Variants in SLC30A1 observed in about 807,000 individuals in gnomAD.
SLC30A1 encodes proton-coupled zinc antiporter SLC30A1.
A neutral mutation model predicts 29.8 loss-of-function variants in SLC30A1; 7 were observed. The observed-to-expected ratio is 0.23, with a 90% confidence interval of 0.13 to 0.44. The LOEUF (loss-of-function observed/expected upper bound fraction) is 0.44, where lower values mean the gene tolerates loss of function less well. SLC30A1 is among the 20% of genes least tolerant of loss of function. SLC30A1 has a pLI of 1.00. For missense variants in SLC30A1, 446 were observed against 647.9 expected (o/e 0.69, Z 3.38); for synonymous variants, 254 against 253.5 (o/e 1.00, Z -0.02).
Position 211,578,137 on chromosome 1 carries a change from A to AGGTCGT in SLC30A1, c.475_476insACGACC (p.Gly158_Leu159insHisAsp). On this transcript the variant is annotated inframe_insertion, in exon 1 of 2. Transcript: ENST00000367001. ...GCTCTTAACGCGAGGCCCCTTGGGG[A>AGGTCGT]GGCCGTGGCCGTGGCCGTGACCCCC... 6.2e-7 allele frequency: 1 copy of AGGTCGT among 1,608,820 alleles called. No individual in the cohort carries two copies. The highest frequency in any genetic ancestry group is 8.5e-7 in the Non-Finnish European group (1 of 1,178,330).
Position 211,576,076 on chromosome 1 carries a change from C to T in SLC30A1, c.836G>A (p.Gly279Glu). Residue 279 changes from glycine to glutamate, a missense_variant, in exon 2 of 2, where the codon GGG becomes GAG. Gly to Glu is a moderately conservative substitution (Grantham distance 98). This residue lies in a region of SLC30A1 where 187 missense variants were observed against 312.7 expected (regional missense o/e 0.60). Coordinates refer to ENST00000367001, the MANE Select transcript of SLC30A1 (RefSeq NM_021194.3). ...GAAACATGGATTCACACAAAAATCC[C>T]CTTCAGAACAACCTTTCCAAGAAAA... is the stretch of plus-strand genomic sequence containing the variant. ...FYFSWKGCSE[G>E]DFCVNPCFPD... is the part of the protein sequence containing the mutation. 1 of 1,613,052 alleles carries T rather than the reference C, an allele frequency of 6.2e-7. No homozygotes were observed. The highest frequency in any genetic ancestry group is 2.2e-5 in the East Asian group (1 of 44,866).
Position 211,578,421 on chromosome 1 carries a change from G to C in SLC30A1, c.192C>G (p.Thr64=), listed in dbSNP as rs1450381921. 6.2e-7 allele frequency: 1 copy of C among 1,612,842 alleles called. No individual in the cohort carries two copies. Among genetic ancestry groups the C allele is most frequent in the Non-Finnish European group, 8.5e-7 (1 of 1,179,666 alleles). Residue 64 remains threonine (T), a synonymous_variant, in exon 1 of 2, where the codon ACC becomes ACG. Transcript: ENST00000367001. ...ALVAERFARR[T]HATQKNTFGW... ...CGAACGTGTTCTTCTGGGTGGCGTG[G>C]GTCCGCCGGGCGAAGCGCTCGGCCA...
rs1170062150 is a variant in SLC30A1, at chr1:211,578,773, G to T, written c.-161C>A. On this transcript the variant is annotated 5_prime_UTR_variant, in exon 1 of 2. Transcript: ENST00000367001. ...CCGCGGCCGCACGGGGACAAGCCCG[G>T]GTCAAGCCGCCGAGCCCCGCGCCTG... 1.8e-5 allele frequency: 10 copies of T among 567,380 alleles called. No individual in the cohort carries two copies. Among genetic ancestry groups the T allele is most frequent in the Non-Finnish European group, 2.1e-5 (8 of 379,438 alleles). 35.1% of individuals were successfully genotyped at this position (567,380 alleles called of 1,614,324 possible). A position where few individuals can be genotyped will look rare whatever the true frequency, so the allele number is the denominator to read the frequency against.
Position 211,574,715 on chromosome 1 carries a change from C to T in SLC30A1, c.*673G>A, listed in dbSNP as rs1706697375. 6.6e-6 allele frequency: 1 copy of T among 152,120 alleles called. No homozygotes were observed. The highest frequency in any genetic ancestry group is 2.4e-5 in the African/African-American group (1 of 41,436). 9.4% of individuals were successfully genotyped at this position (152,120 alleles called of 1,614,324 possible). On this transcript the variant is annotated 3_prime_UTR_variant, in exon 2 of 2. Transcript: ENST00000367001. ...GAAATGTAGTCTCAATATTATCATA[C>T]AATAACCTAAATATTTAGTTTGGTA... is the stretch of plus-strand genomic sequence containing the variant.
chr1:211,578,466 C>T lies in SLC30A1; in HGVS notation c.147G>A (p.Leu49=). The T allele has an allele frequency of 6.2e-7, 1 of 1,612,874 alleles. No individual in the cohort carries two copies. Among genetic ancestry groups the T allele is most frequent in the South Asian group, 1.1e-5 (1 of 90,952 alleles). The part of the protein sequence containing the change: ...SDSFHMLSDV[L]ALVVALVAER... Reference sequence around the variant, plus strand: ...CGGCCACCAGCGCCACCACCAGCGCCAGCACGTCCGACAGCATGTGGAAGG... The same window carrying T: ...CGGCCACCAGCGCCACCACCAGCGCTAGCACGTCCGACAGCATGTGGAAGG... Residue 49 remains leucine (L), a synonymous_variant, in exon 1 of 2, where the codon CTG becomes CTA. Coordinates refer to ENST00000367001, the MANE Select transcript of SLC30A1 (RefSeq NM_021194.3).
rs1706736560 is a variant in SLC30A1 at position 211,577,708 on chromosome 1, C to A, written c.622+283G>T. 6.6e-6 allele frequency among the ~76,000 whole-genome samples: 1 copy of A among 152,244 alleles called. No individual in the cohort carries two copies. Among genetic ancestry groups the A allele is most frequent in the African/African-American group, 2.4e-5 (1 of 41,460 alleles). On this transcript the variant is annotated intron_variant, in intron 1 of 1. Coordinates refer to ENST00000367001, the MANE Select transcript of SLC30A1 (RefSeq NM_021194.3). This position sits in a 1 kb window ranked among gnomAD's most constrained non-coding sequence, Gnocchi z 4.5. ...AGCCAAGTGCGGGTGTGGACTGCAG[C>A]GGGATGATGATCACCTCCTGACCCT...
chr1:211,575,347 C>A lies in SLC30A1; in HGVS notation c.*41G>T. On this transcript the variant is annotated 3_prime_UTR_variant, in exon 2 of 2. Coordinates refer to ENST00000367001, the MANE Select transcript of SLC30A1 (RefSeq NM_021194.3). This position sits in a 1 kb window ranked among gnomAD's most constrained non-coding sequence, Gnocchi z 6.0. Reference sequence around the variant, plus strand: ...TTTCAGTGGAGTCTTTTTCCTCTTGCAGTTTAAAGCAAAAGTCAAATATCA... The same window carrying A: ...TTTCAGTGGAGTCTTTTTCCTCTTGAAGTTTAAAGCAAAAGTCAAATATCA... 1 of 1,499,084 alleles carries A rather than the reference C, an allele frequency of 6.7e-7. No individual in the cohort carries two copies. Among genetic ancestry groups the A allele is most frequent in the South Asian group, 1.3e-5 (1 of 74,158 alleles). 92.9% of individuals were successfully genotyped at this position (1,499,084 alleles called of 1,614,324 possible).
Position 211,573,267 on chromosome 1 carries a change from T to A in SLC30A1, c.*2121A>T, listed in dbSNP as rs1706673678. The A allele has an allele frequency of 6.6e-6, 1 of 152,040 alleles. No individual in the cohort carries two copies. The highest frequency in any genetic ancestry group is 2.4e-5 in the African/African-American group (1 of 41,426). 9.4% of individuals were successfully genotyped at this position (152,040 alleles called of 1,614,324 possible). A position where few individuals can be genotyped will look rare whatever the true frequency, so the allele number is the denominator to read the frequency against. On this transcript the variant is annotated 3_prime_UTR_variant, in exon 2 of 2. Coordinates refer to ENST00000367001, the MANE Select transcript of SLC30A1 (RefSeq NM_021194.3). ...CCATTATATATAAGCTACTTAAAAA[T>A]TATGAAAAGTGAAATAACTCAAACC...
Position 211,577,966 on chromosome 1 carries a change from T to A in SLC30A1, c.622+25A>T. 1 of 1,611,648 alleles carries A rather than the reference T, an allele frequency of 6.2e-7. No individual in the cohort carries two copies. Among genetic ancestry groups the A allele is most frequent in the Non-Finnish European group, 8.5e-7 (1 of 1,179,566 alleles). Reference sequence around the variant, plus strand: ...TCTGGGCACCCCAAACCCAACCACCTGCGGCAGCGACTTTCCCGGCTCACC... The same window carrying A: ...TCTGGGCACCCCAAACCCAACCACCAGCGGCAGCGACTTTCCCGGCTCACC... On this transcript the variant is annotated intron_variant, in intron 1 of 1. Transcript: ENST00000367001. This position sits in a 1 kb window ranked among gnomAD's most constrained non-coding sequence, Gnocchi z 4.5.
rs2102406205 is a variant in SLC30A1, at chr1:211,576,129, A to G, written c.783T>C (p.Ile261=). The G allele has an allele frequency of 6.2e-7, 1 of 1,614,066 alleles. No homozygotes were observed. Among genetic ancestry groups the G allele is most frequent in the South Asian group, 1.1e-5 (1 of 91,072 alleles). ...AAAAGACTAAGGCATTTACTACTAC[A>G]ATCACTGAACCCAAGGCATCTCCAA... ...HVLGDALGSV[I]VVVNALVFYF... is the part of the protein sequence containing the mutation. The change falls in exon 2 of 2, where the codon ATT becomes ATC. Residue 261 remains isoleucine, a synonymous_variant. Transcript: ENST00000367001.
At position 211,578,811 on chromosome 1, in the gene SLC30A1, G is replaced by A. The variant is rs990740442; in HGVS notation, c.-199C>T. ...AGCCCCGCGCCTGTGGGCGTTCTCC[G>A]CCAGCCGGCGGCGCCGCGCCGCGCA... On this transcript the variant is annotated 5_prime_UTR_variant, in exon 1 of 2. Transcript: ENST00000367001. The A allele has an allele frequency of 2.1e-5, 8 of 380,070 alleles. No homozygotes were observed. The highest frequency in any genetic ancestry group is 3.1e-5 in the Non-Finnish European group (7 of 222,836). The allele number at this position is 380,070 out of a possible 1,614,324, so 23.5% of individuals were successfully genotyped here.
rs765745821 is a variant in SLC30A1 at position 211,575,403 on chromosome 1, A to C, written c.1509T>G (p.Pro503=). 1 of 1,592,638 alleles carries C rather than the reference A, an allele frequency of 6.3e-7. No homozygotes were observed. The part of the protein sequence containing the change: ...IEIKNMPNKQ[P]ESSL Reference sequence around the variant, plus strand: ...TTTTCAAGACTCACAAAGATGATTCAGGTTGTTTGTTTGGCATGTTTTTAA... The same window carrying C: ...TTTTCAAGACTCACAAAGATGATTCCGGTTGTTTGTTTGGCATGTTTTTAA... The change falls in exon 2 of 2, where the codon CCT becomes CCG. Residue 503 remains proline, a synonymous_variant. Coordinates refer to ENST00000367001, the MANE Select transcript of SLC30A1 (RefSeq NM_021194.3). The surrounding 1 kb of genome is among the most constrained non-coding windows in gnomAD (Gnocchi z 6.0).
chr1:211,575,927 G>A lies in SLC30A1; in HGVS notation c.985C>T (p.Leu329Phe). Reference protein sequence around the residue: ...TLCVVMVCILLYTTYPLLKES... With the variant: ...TLCVVMVCILFYTTYPLLKES... ...TTAAGTAATGGATAGGTTGTGTAAA[G>A]AAGTATACAAACCATTACAACACAA... is the stretch of plus-strand genomic sequence containing the variant. The change falls in exon 2 of 2, where the codon CTT becomes TTT. Residue 329 changes from leucine (L) to phenylalanine (F), a missense_variant. Leu to Phe is a conservative substitution (Grantham distance 22, BLOSUM62 0). Around this residue, in one of 5 missense-constraint regions of SLC30A1, gnomAD observed 187 missense variants for 312.7 expected, o/e 0.60. Transcript: ENST00000367001. This position sits in a 1 kb window ranked among gnomAD's most constrained non-coding sequence, Gnocchi z 6.0. 9 of 1,613,032 alleles carry A rather than the reference G, an allele frequency of 5.6e-6. No individual in the cohort carries two copies. Among genetic ancestry groups the A allele is most frequent in the Non-Finnish European group, 7.6e-6 (9 of 1,179,390 alleles).
Position 211,575,455 on chromosome 1 carries a change from TC to T in SLC30A1, c.1456del (p.Glu486LysfsTer7). Reference sequence around the variant, plus strand: ...CTCTATCACAACAGCAGGGATGTTTTCAGCTTTAGTCCTCCTGGGCTTCTTC... The same window carrying T: ...CTCTATCACAACAGCAGGGATGTTTTAGCTTTAGTCCTCCTGGGCTTCTTC... ...LEKKPRRTKA[E>X]NIPAVVIEIK... On this transcript the variant is annotated frameshift_variant, in exon 2 of 2. Transcript: ENST00000367001. LOFTEE classifies it high-confidence loss of function. The surrounding 1 kb of genome is among the most constrained non-coding windows in gnomAD (Gnocchi z 6.0). 6.2e-7 allele frequency: 1 copy of T among 1,613,976 alleles called. No homozygotes were observed. Among genetic ancestry groups the T allele is most frequent in the Non-Finnish European group, 8.5e-7 (1 of 1,179,910 alleles).
At position 211,578,325 on chromosome 1, in the gene SLC30A1, G is replaced by A. The variant is rs941782595; in HGVS notation, c.288C>T (p.Ile96=). Residue 96 remains isoleucine (I), a synonymous_variant, in exon 1 of 2, where the codon ATC becomes ATT. Transcript: ENST00000367001. ...TGAAGCGCTCGATGGCCTCCAGCAGGATGGCGAAACAGAGGCCAGTCAGGA... is the reference window on the plus strand; with the variant it reads ...TGAAGCGCTCGATGGCCTCCAGCAGAATGGCGAAACAGAGGCCAGTCAGGA... The part of the protein sequence containing the change: ...AIFLTGLCFA[I]LLEAIERFIE... 2.5e-6 allele frequency: 4 copies of A among 1,613,644 alleles called. No homozygotes were observed. Among genetic ancestry groups the A allele is most frequent in the Non-Finnish European group, 3.4e-6 (4 of 1,179,960 alleles).
Position 211,578,124 on chromosome 1 carries a change from A to G in SLC30A1, c.489T>C (p.Pro163=), listed in dbSNP as rs1706745298. 6.2e-7 allele frequency: 1 copy of G among 1,609,660 alleles called. No individual in the cohort carries two copies. The highest frequency in any genetic ancestry group is 2.2e-5 in the East Asian group (1 of 44,778). ...TCCCGGGGCGGGTGCTCTTAACGCG[A>G]GGCCCCTTGGGGAGGCCGTGGCCGT... ...HGHGHGLPKG[P]RVKSTRPGSS... is the part of the protein sequence containing the mutation. The change falls in exon 1 of 2, where the codon CCT becomes CCC. Residue 163 remains proline, a synonymous_variant. Coordinates refer to ENST00000367001, the MANE Select transcript of SLC30A1 (RefSeq NM_021194.3).
At position 211,578,141 on chromosome 1, in the gene SLC30A1, C is replaced by T. The variant is rs1348636990; in HGVS notation, c.472G>A (p.Gly158Ser). The T allele has an allele frequency of 6.2e-7, 1 of 1,606,660 alleles. No individual in the cohort carries two copies. The highest frequency in any genetic ancestry group is 2.2e-5 in the East Asian group (1 of 44,664). Reference protein sequence around the residue: ...HSHGGHGHGHGLPKGPRVKST... With the variant: ...HSHGGHGHGHSLPKGPRVKST... ...TTAACGCGAGGCCCCTTGGGGAGGC[C>T]GTGGCCGTGGCCGTGACCCCCGTGC... The change falls in exon 1 of 2, where the codon GGC (glycine) becomes AGC (serine). Residue 158 changes from glycine (G) to serine (S), a missense_variant. Around this residue, in one of 5 missense-constraint regions of SLC30A1, gnomAD observed 159 missense variants for 161.1 expected, o/e 0.99. Transcript: ENST00000367001.
chr1:211,575,232 G>C lies in SLC30A1; in HGVS notation c.*156C>G. The C allele has an allele frequency of 1.5e-6, 1 of 659,334 alleles. No individual in the cohort carries two copies. The allele number at this position is 659,334 out of a possible 1,614,324, so 40.8% of individuals were successfully genotyped here. On this transcript the variant is annotated 3_prime_UTR_variant, in exon 2 of 2. Coordinates refer to ENST00000367001, the MANE Select transcript of SLC30A1 (RefSeq NM_021194.3). The surrounding 1 kb of genome is among the most constrained non-coding windows in gnomAD (Gnocchi z 6.0). Reference sequence around the variant, plus strand: ...TCACAAAATTGTAATATAGAACTCTGTTATGCAGTCCCATTATGTTCTTAC... The same window carrying C: ...TCACAAAATTGTAATATAGAACTCTCTTATGCAGTCCCATTATGTTCTTAC...
chr1:211,578,867 G>A lies in SLC30A1; in HGVS notation c.-255C>T. On this transcript the variant is annotated 5_prime_UTR_variant, in exon 1 of 2. Transcript: ENST00000367001. ...TCAGGCGTCCGTCCTCAGAGCCGGCGCCGAGGCCCGGCTCAGCCTCAGCAG... is the reference window on the plus strand; with the variant it reads ...TCAGGCGTCCGTCCTCAGAGCCGGCACCGAGGCCCGGCTCAGCCTCAGCAG... 3.4e-6 allele frequency: 1 copy of A among 294,566 alleles called. No homozygotes were observed. The allele number at this position is 294,566 out of a possible 1,614,324, so 18.2% of individuals were successfully genotyped here. A position where few individuals can be genotyped will look rare whatever the true frequency, so the allele number is the denominator to read the frequency against.
Sources: gnomAD v4.1 joint callset for allele counts (sites outside exome capture counted in the v4.1 genomes callset) on GRCh38, gnomAD v4.1.1 for gene constraint, gnomAD v4.1.1 regional missense constraint, Gnocchi (gnomAD v3.1) non-coding constraint, MANE v1.5 for transcripts, NCBI Gene and HGNC (gene_info 2026-07-23, HGNC 2026-07-21) for gene names.